Variants in KIAA0232 observed in about 807,000 individuals in gnomAD.
The protein encoded by KIAA0232 is uncharacterized protein KIAA0232.
KIAA0232 carries 27 observed loss-of-function variants against 122.0 expected under a neutral mutation model. That is an observed-to-expected ratio of 0.22 (90% CI 0.16 to 0.31). The LOEUF is 0.31. Among genes scored for constraint, KIAA0232 ranks in the 10% least tolerant of loss-of-function variants. The pLI is 1.00. For synonymous variants in KIAA0232, 613 were observed against 587.6 expected (o/e 1.04, Z -0.63); for missense variants, 1,551 against 1,634.2 (o/e 0.95, Z 0.88).
At chr4:6,805,005 C>G (rs1021579904) in intron 2 of KIAA0232, among the ~76,000 whole-genome samples, 2 of 152,130 alleles carry the variant, frequency 1.3e-5, no homozygotes, top group Non-Finnish European at 2.9e-5. Flanking sequence ...TTCAAGATGT[C>G]CTGCAATAAA....
chr4:6,821,616 A>G (rs545338621), intron 2 of KIAA0232, among the ~76,000 whole-genome samples: 1 of 151,976 alleles, frequency 6.6e-6, no homozygotes, highest in African/African-American at 2.4e-5. Flanking sequence ...ATATACACAT[A>G]TCTATATATA....
intron 4 of KIAA0232, among the ~76,000 whole-genome samples, chr4:6,853,327 A>G (rs1249133585): frequency 2.0e-5 from 3 of 152,246 alleles, no homozygotes; most frequent in Non-Finnish European, 2.9e-5. Flanking sequence ...AAGTAGAACA[A>G]AAAGATGAAG....
intron 3 of KIAA0232, among the ~76,000 whole-genome samples, chr4:6,833,566 G>A (rs545253086): frequency 6.6e-6 from 1 of 152,174 alleles, no homozygotes; most frequent in Non-Finnish European, 1.5e-5. Context: ...GGGAGGTCGA[G>A]GCTGCAGTGA....
chr4:6,849,767 CAAAAAAA>C (rs60938979), intron 4 of KIAA0232, among the ~76,000 whole-genome samples: 1 of 115,852 alleles, frequency 8.6e-6, no homozygotes, highest in Non-Finnish European at 1.9e-5. Context: ...ACTCGGTCTC[CAAAAAAA>C]AAAAAAAGTA....
intron 2 of KIAA0232, among the ~76,000 whole-genome samples, chr4:6,819,299 A>G (rs996490045): frequency 4.6e-5 from 7 of 152,172 alleles, no homozygotes; most frequent in Non-Finnish European, 8.8e-5. Context: ...GTATTAATAG[A>G]TACACCATTT....
rs371032398 is a variant in KIAA0232, at chr4:6,861,479, G to T, written c.1097G>T (p.Gly366Val). The T allele has an allele frequency of 1.2e-6, 2 of 1,614,056 alleles. No individual in the cohort carries two copies. Among genetic ancestry groups the T allele is most frequent in the South Asian group, 2.2e-5 (2 of 91,090 alleles). ...TCTGTCAAACAGCTGTGCAAGCGGGGTAAGAGACCTTTAAAAGAAATAGGG... is the reference window on the plus strand; with the variant it reads ...TCTGTCAAACAGCTGTGCAAGCGGGTTAAGAGACCTTTAAAAGAAATAGGG... The part of the protein sequence containing the change: ...SGSVKQLCKR[G>V]KRPLKEIGRK... The change falls in exon 7 of 10, where the codon GGT (glycine) becomes GTT (valine). Residue 366 changes from glycine (G) to valine (V), a missense_variant. Physicochemically the swap from Gly to Val is moderately radical, Grantham distance 109. Around this residue, in one of 5 missense-constraint regions of KIAA0232, gnomAD observed 377 missense variants for 381.7 expected, o/e 0.99. Transcript: ENST00000307659.
At chr4:6,818,483 AT>A (rs1718246886) in intron 2 of KIAA0232, among the ~76,000 whole-genome samples, 1 of 143,158 alleles carries the variant, frequency 7.0e-6, no homozygotes, top group African/African-American at 2.6e-5. Context: ...CCCATTTACA[AT>A]AGACACACAC....
intron 9 of KIAA0232, among the ~76,000 whole-genome samples, 158 bp from the exon 10 acceptor site, chr4:6,880,629 A>T (rs1370996571): frequency 6.6e-6 from 1 of 152,258 alleles, no homozygotes; most frequent in Non-Finnish European, 1.5e-5. Context: ...CAGAGAAGAG[A>T]GGCGGTTTTG....
Position 6,782,731 on chromosome 4 carries a change from T to C in KIAA0232, c.-464T>C, listed in dbSNP as rs1364866302. ...GGCGCTGGGGCCGCCGCCGCCGCTT[T>C]ACGTAAGGCGCAGGCCAGGGCCGCC... On this transcript the variant is annotated 5_prime_UTR_variant, in exon 1 of 10. Transcript: ENST00000307659. The C allele has an allele frequency of 6.7e-6, 1 of 149,332 alleles. No homozygotes were observed. Among genetic ancestry groups the C allele is most frequent in the Admixed American group, 6.7e-5 (1 of 15,036 alleles). 9.3% of individuals were successfully genotyped at this position (149,332 alleles called of 1,614,324 possible). A position where few individuals can be genotyped will look rare whatever the true frequency, so the allele number is the denominator to read the frequency against.
intron 3 of KIAA0232, among the ~76,000 whole-genome samples, chr4:6,837,478 T>C (rs1300495207): frequency 1.2e-4 from 17 of 144,814 alleles, no homozygotes; most frequent in East Asian, 1.0e-3. Context: ...GATGGGCGGC[T>C]GGGCAGAGAC....
At chr4:6,866,173 G>A in intron 7 of KIAA0232, 1 of 948,148 alleles carries the variant, frequency 1.1e-6, no homozygotes, top group Non-Finnish European at 1.3e-6. Context: ...TATGTACTTT[G>A]TATTTCACCT....
intron 1 of KIAA0232, among the ~76,000 whole-genome samples, chr4:6,792,073 C>A (rs759815279): frequency 1.3e-5 from 2 of 152,192 alleles, no homozygotes; most frequent in Admixed American, 6.5e-5. Flanking sequence ...GATTGTGAGG[C>A]CTCTGCAGCC....
intron 2 of KIAA0232, among the ~76,000 whole-genome samples, chr4:6,817,217 A>G (rs1718173584): frequency 2.6e-5 from 4 of 152,104 alleles, no homozygotes; most frequent in South Asian, 4.2e-4. Context: ...TCCTAAAAAT[A>G]TTGATAGGTT....
chr4:6,819,079 A>G (rs58393819), intron 2 of KIAA0232, among the ~76,000 whole-genome samples: 5 of 152,318 alleles, frequency 3.3e-5, no homozygotes, highest in African/African-American at 1.2e-4. Context: ...AATTGACCCA[A>G]CATGGATTAT....
In KIAA0232 at chr4:6,855,701, G is replaced by A. The variant is rs1720534520; in HGVS notation, c.370-1463G>A. Reference sequence around the variant, plus strand: ...TGATTAAATGGGACCCCATTTTAGAGTATTGGAAGACGTTTAATAAGTGAT... The same window carrying A: ...TGATTAAATGGGACCCCATTTTAGAATATTGGAAGACGTTTAATAAGTGAT... On this transcript the variant is annotated intron_variant, in intron 4 of 9. Transcript: ENST00000307659. This position sits in a 1 kb window ranked among gnomAD's most constrained non-coding sequence, Gnocchi z 4.3. The A allele has an allele frequency of 5.1e-6, 1 of 194,366 alleles. No homozygotes were observed. Among genetic ancestry groups the A allele is most frequent in the African/African-American group, 2.4e-5 (1 of 42,162 alleles). 12.0% of individuals were successfully genotyped at this position (194,366 alleles called of 1,614,324 possible).
intron 4 of KIAA0232, among the ~76,000 whole-genome samples, chr4:6,842,570 T>A (rs1272421215): frequency 6.6e-6 from 1 of 151,880 alleles, no homozygotes; most frequent in Non-Finnish European, 1.5e-5. Flanking sequence ...TTACTGGATG[T>A]TTACCTTGCT....
intron 3 of KIAA0232, among the ~76,000 whole-genome samples, chr4:6,828,611 A>T (rs1577378297): frequency 6.6e-6 from 1 of 152,084 alleles, no homozygotes; most frequent in East Asian, 1.9e-4. Flanking sequence ...CTCCTTAAAC[A>T]TTTATCTTTT....
chr4:6,814,435 A>G (rs1321580349), intron 2 of KIAA0232, among the ~76,000 whole-genome samples: 2 of 152,028 alleles, frequency 1.3e-5, no homozygotes, highest in South Asian at 2.1e-4. Flanking sequence ...AAAGGCTAAC[A>G]TATTTTAAAT....
chr4:6,791,471 G>A (rs1716890980), intron 1 of KIAA0232, among the ~76,000 whole-genome samples: 1 of 151,400 alleles, frequency 6.6e-6, no homozygotes, highest in Non-Finnish European at 1.5e-5. Flanking sequence ...TGGGACTACA[G>A]TTATGCACCA....
Sources: allele counts gnomAD v4.1 joint callset (sites outside exome capture counted in the v4.1 genomes callset), GRCh38; gene constraint gnomAD v4.1.1; regional missense constraint gnomAD v4.1.1; non-coding constraint Gnocchi (gnomAD v3.1); transcripts MANE v1.5; gene names NCBI Gene and HGNC (gene_info 2026-07-23, HGNC 2026-07-21).